The following SGO2 variants were observed in gnomAD, a reference collection of about 807,000 sequenced individuals.
SGO2 encodes the protein shugoshin-like 2.
SGO2 carries 68 observed loss-of-function variants against 99.5 expected under a neutral mutation model. The ratio of observed to expected loss-of-function variants is 0.68; its 90% CI spans 0.56 to 0.84. SGO2 has a LOEUF of 0.84. Among genes scored for constraint, SGO2 ranks in the 40% least tolerant of loss-of-function variants. The probability of loss-of-function intolerance (pLI) is 0.00; values close to 1 mark genes in which losing one functional copy is unlikely to be tolerated. For missense variants in SGO2, 1,350 were observed against 1,436.7 expected, an observed-to-expected ratio of 0.94 and a Z score of 0.97; for synonymous variants, 457 against 487.1, an observed-to-expected ratio of 0.94 and a Z score of 0.81.
intron 2 of SGO2, among the ~76,000 whole-genome samples, chr2:200,534,163 C>T (rs2031575974): frequency 1.3e-5 from 2 of 152,134 alleles, no homozygotes; most frequent in Admixed American, 1.3e-4. Flanking sequence ...ATTTCACATA[C>T]ACTAGACTTT....
In SGO2 at chr2:200,535,968, T is replaced by A. The variant is rs934076238; in HGVS notation, c.310-97T>A. On this transcript the variant is annotated intron_variant, in intron 3 of 8. Transcript: ENST00000357799. ...GCTCAATATGATATCAACTATTTTT[T>A]AAGTTTTCTCACATGGATGGCATTC... The A allele has an allele frequency of 4.9e-5, 34 of 697,234 alleles. 2 individuals carry two copies. The South Asian group carries it at 5.3e-4, about 11-fold the overall frequency. 43.2% of individuals were successfully genotyped at this position (697,234 alleles called of 1,614,324 possible). A position where few individuals can be genotyped will look rare whatever the true frequency, so the allele number is the denominator to read the frequency against.
chr2:200,538,391 T>G (rs1284073743), intron 4 of SGO2, among the ~76,000 whole-genome samples: 1 of 152,212 alleles, frequency 6.6e-6, no homozygotes, highest in African/African-American at 2.4e-5. Flanking sequence ...CAAAAGTGAC[T>G]GCAGTGAAGC....
At chr2:200,571,015 C>A in intron 6 of SGO2, 35 bp from the exon 7 acceptor site, 9 of 1,516,636 alleles carry the variant, frequency 5.9e-6, no homozygotes, top group Non-Finnish European at 7.9e-6. Context: ...TATTTCATTA[C>A]TTGTTTCTGA....
Position 200,573,316 on chromosome 2 carries a change from A to C in SGO2, c.2970A>C (p.Ser990=). 2 of 1,605,754 alleles carry C rather than the reference A, an allele frequency of 1.2e-6. No homozygotes were observed. Among genetic ancestry groups the C allele is most frequent in the East Asian group, 4.5e-5 (2 of 44,760 alleles). Residue 990 remains serine, a synonymous_variant, in exon 7 of 9, where the codon TCA becomes TCC. Transcript: ENST00000357799. ...TAGTTAAAAAACGTAAGAAAGAATC[A>C]TCATGCAAGGCAAAGAACATTTTGA... The part of the protein sequence containing the change: ...YKVVKKRKKE[S]SCKAKNILTK...
intron 8 of SGO2, among the ~76,000 whole-genome samples, chr2:200,579,449 A>G (rs1042874243): frequency 6.6e-6 from 1 of 152,222 alleles, no homozygotes; most frequent in Non-Finnish European, 1.5e-5. Context: ...TTTAGTAGAA[A>G]TGCTTCTGTT....
intron 1 of SGO2, among the ~76,000 whole-genome samples, chr2:200,528,887 T>G (rs1183489673): frequency 6.6e-6 from 1 of 152,180 alleles, no homozygotes; most frequent in Non-Finnish European, 1.5e-5. Context: ...ATGTGCTATT[T>G]TGCAACCAAG....
rs1052406391 is a variant in SGO2, at chr2:200,526,594, A to G, written c.-3+342A>G. Among the ~76,000 whole-genome samples the G allele has an allele frequency of 1.3e-5, 2 of 152,164 alleles. No homozygotes were observed. The highest frequency in any genetic ancestry group is 4.8e-5 in the African/African-American group (2 of 41,450). ...AGTTTCTAGGGCATTGTGAGCGCTC[A>G]GTACGTGTCTGCGGAATGAATGTTA... On this transcript the variant is annotated intron_variant, in intron 1 of 8. Coordinates refer to ENST00000357799, the MANE Select transcript of SGO2 (RefSeq NM_152524.6). This position sits in a 1 kb window ranked among gnomAD's most constrained non-coding sequence, Gnocchi z 4.8.
intron 8 of SGO2, among the ~76,000 whole-genome samples, chr2:200,582,721 A>G (rs1225065899): frequency 6.6e-6 from 1 of 152,164 alleles, no homozygotes; most frequent in Non-Finnish European, 1.5e-5. Context: ...GTTCCAAGGA[A>G]AATGAAGGGC....
intron 4 of SGO2, among the ~76,000 whole-genome samples, chr2:200,540,812 G>A (rs2031929278): frequency 6.6e-6 from 1 of 152,220 alleles, no homozygotes; most frequent in African/African-American, 2.4e-5. Flanking sequence ...CCAGCCAGGA[G>A]CATGTCTTTT....
At chr2:200,555,838 G>C (rs1370876312) in intron 5 of SGO2, among the ~76,000 whole-genome samples, 1 of 152,186 alleles carries the variant, frequency 6.6e-6, no homozygotes, top group Non-Finnish European at 1.5e-5. Flanking sequence ...GATTTTGAGG[G>C]AGATCTATCA....
At chr2:200,566,346 TG>T (rs1424288070) in intron 5 of SGO2, among the ~76,000 whole-genome samples, 1 of 152,214 alleles carries the variant, frequency 6.6e-6, no homozygotes, top group Non-Finnish European at 1.5e-5. Context: ...CTCCAGACCC[TG>T]TTTGCCTGGG....
chr2:200,548,118 A>T (rs2032322115), intron 5 of SGO2, among the ~76,000 whole-genome samples: 1 of 148,258 alleles, frequency 6.7e-6, no homozygotes, highest in Non-Finnish European at 1.5e-5. Context: ...AAACAGCATA[A>T]ACTGCACACT....
chr2:200,576,484 G>T (rs1173081702), intron 8 of SGO2, among the ~76,000 whole-genome samples: 1 of 152,132 alleles, frequency 6.6e-6, no homozygotes, highest in Non-Finnish European at 1.5e-5. Context: ...GCTGAGGCAG[G>T]AGAATCACCT....
chr2:200,561,067 T>C (rs1226811152), intron 5 of SGO2, among the ~76,000 whole-genome samples: 1 of 152,240 alleles, frequency 6.6e-6, no homozygotes. Context: ...TATTATACTT[T>C]AAGTTCTAGG....
chr2:200,550,611 T>C (rs1399428222), intron 5 of SGO2, among the ~76,000 whole-genome samples: 1 of 152,102 alleles, frequency 6.6e-6, no homozygotes, highest in Non-Finnish European at 1.5e-5. Flanking sequence ...CAATAAATAG[T>C]GCGGGAAAAC....
intron 8 of SGO2, among the ~76,000 whole-genome samples, chr2:200,577,191 A>G (rs191242313): frequency 6.6e-6 from 1 of 152,136 alleles, no homozygotes; most frequent in East Asian, 1.9e-4. Context: ...CTTTACCAAC[A>G]CTTGTTTTTC....
Position 200,583,550 on chromosome 2 carries a change from T to A in SGO2, c.*86T>A. The A allele has an allele frequency of 7.8e-7, 1 of 1,278,654 alleles. No individual in the cohort carries two copies. Among genetic ancestry groups the A allele is most frequent in the Non-Finnish European group, 1.1e-6 (1 of 928,920 alleles). 79.2% of individuals were successfully genotyped at this position (1,278,654 alleles called of 1,614,324 possible). A position where few individuals can be genotyped will look rare whatever the true frequency, so the allele number is the denominator to read the frequency against. Reference sequence around the variant, plus strand: ...TATAGTATCAAGAAGATGAAATGCTTAATGAAAAGGTTTTTTTTTTGTTTC... The same window carrying A: ...TATAGTATCAAGAAGATGAAATGCTAAATGAAAAGGTTTTTTTTTTGTTTC... On this transcript the variant is annotated 3_prime_UTR_variant, in exon 9 of 9. Coordinates refer to ENST00000357799, the MANE Select transcript of SGO2 (RefSeq NM_152524.6).
chr2:200,571,160 G>A lies in SGO2; in HGVS notation c.814G>A (p.Glu272Lys). The A allele has an allele frequency of 9.3e-6, 15 of 1,613,704 alleles. No homozygotes were observed. Among genetic ancestry groups the A allele is most frequent in the Non-Finnish European group, 1.2e-5 (14 of 1,179,692 alleles). Residue 272 changes from glutamate (E) to lysine (K), a missense_variant, in exon 7 of 9, where the codon GAA becomes AAA. Transcript: ENST00000357799. ...WEKPSPSNVT[E>K]RKKRGSSWES... ...GAAACCATCTCCTAGTAATGTGACT[G>A]AAAGGAAGAAGCGTGGGTCATCTTG...
chr2:200,547,536 G>T (rs557922583), intron 5 of SGO2, among the ~76,000 whole-genome samples: 83 of 152,274 alleles, frequency 5.5e-4, no homozygotes, highest in Non-Finnish European at 8.2e-4. Context: ...ACTCTAGCAT[G>T]AAGCCCAAAA....
Sources: allele counts gnomAD v4.1 joint callset (sites outside exome capture counted in the v4.1 genomes callset), GRCh38; gene constraint gnomAD v4.1.1; non-coding constraint Gnocchi (gnomAD v3.1); transcripts MANE v1.5; gene names NCBI Gene and HGNC (gene_info 2026-07-23, HGNC 2026-07-21).